Variants in ELOVL6 observed in about 807,000 individuals in gnomAD.
The protein encoded by ELOVL6 is very long chain fatty acid elongase 6.
In ELOVL6, 8 loss-of-function variants were observed where a neutral mutation model predicts 31.7. The observed-to-expected ratio is 0.25, with a 90% CI of 0.15 to 0.45. ELOVL6 has a LOEUF of 0.45. Ranked by LOEUF, ELOVL6 falls within the 20% of genes least tolerant of loss-of-function variation. ELOVL6 has a pLI of 1.00. For missense variants in ELOVL6, 126 were observed against 326.4 expected, an observed-to-expected ratio of 0.39 and a Z score of 4.73; for synonymous variants, 101 against 117.7, an observed-to-expected ratio of 0.86 and a Z score of 0.92.
At chr4:110,184,506 C>T (rs1759384345) in intron 1 of ELOVL6, among the ~76,000 whole-genome samples, 1 of 152,092 alleles carries the variant, frequency 6.6e-6, no homozygotes, top group Non-Finnish European at 1.5e-5. Flanking sequence ...GAATTTGGTG[C>T]CAGATTTTGA....
At chr4:110,183,000 G>C (rs1335807289) in intron 1 of ELOVL6, among the ~76,000 whole-genome samples, 1 of 152,028 alleles carries the variant, frequency 6.6e-6, no homozygotes, top group Non-Finnish European at 1.5e-5. Context: ...TAAAGGGTCT[G>C]GGGAGTCACA....
At chr4:110,110,076 C>G (rs1578487127) in intron 1 of ELOVL6, among the ~76,000 whole-genome samples, 1 of 152,138 alleles carries the variant, frequency 6.6e-6, no homozygotes, top group Admixed American at 6.5e-5. Flanking sequence ...AACTGGTGCA[C>G]CCCCCTCCTC....
intron 2 of ELOVL6, among the ~76,000 whole-genome samples, chr4:110,072,142 T>C (rs902980062): frequency 1.3e-5 from 2 of 152,148 alleles, no homozygotes; most frequent in African/African-American, 2.4e-5. Flanking sequence ...TCTCAGAACA[T>C]TGAGTCTGCC....
chr4:110,197,829 C>G, intron 1 of ELOVL6: 1 of 217,532 alleles, frequency 4.6e-6, no homozygotes, highest in South Asian at 6.4e-5. Flanking sequence ...AAGGTCCTCC[C>G]TCCACTGCCT....
intron 1 of ELOVL6, among the ~76,000 whole-genome samples, chr4:110,161,892 T>G (rs912873500): frequency 1.3e-5 from 2 of 152,194 alleles, no homozygotes; most frequent in Non-Finnish European, 2.9e-5. Context: ...AAGGGTTCCA[T>G]ATTCACAAGT....
chr4:110,051,670 AG>A lies in ELOVL6; in HGVS notation c.465del (p.Tyr156ThrfsTer12). 6.2e-7 allele frequency: 1 copy of A among 1,614,216 alleles called. No individual in the cohort carries two copies. The highest frequency in any genetic ancestry group is 8.5e-7 in the Non-Finnish European group (1 of 1,180,026). On this transcript the variant is annotated frameshift_variant, in exon 4 of 4. Transcript: ENST00000302274. LOFTEE classifies it high-confidence loss of function. The surrounding 1 kb of genome is among the most constrained non-coding windows in gnomAD (Gnocchi z 4.8). ...CCTCCCCCGGCAACCATGTCTTTGT[AG>A]GAGTACCAAGAGTACAGGAGCACAG... The part of the protein sequence containing the change: ...HITVLLYSWY[S>X]YKDMVAGGGW...
chr4:110,149,952 C>T (rs937708691), intron 1 of ELOVL6, among the ~76,000 whole-genome samples: 3 of 152,172 alleles, frequency 2.0e-5, no homozygotes, highest in African/African-American at 7.2e-5. Context: ...TTTTCTTCCC[C>T]TTAAAACAAG....
In ELOVL6 at chr4:110,117,903, A is replaced by AAAAAAAAAAAAAAAAATT; in HGVS notation, c.90-12276_90-12275insAATTTTTTTTTTTTTTTT. 18 of 6,504 alleles carry AAAAAAAAAAAAAAAAATT rather than the reference A, an allele frequency of 2.8e-3. 4 individuals carry two copies. Among genetic ancestry groups the AAAAAAAAAAAAAAAAATT allele is most frequent in the African/African-American group, 5.5e-3 (17 of 3,064 alleles). 0.4% of individuals were successfully genotyped at this position (6,504 alleles called of 1,614,324 possible). A position where few individuals can be genotyped will look rare whatever the true frequency, so the allele number is the denominator to read the frequency against. On this transcript the variant is annotated intron_variant, in intron 1 of 3. Coordinates refer to ENST00000302274, the MANE Select transcript of ELOVL6 (RefSeq NM_024090.3). ...TCTCAAAAAAAAAAAAAAAAAAAAA[A>AAAAAAAAAAAAAAAAATT]ATATATATATATATATATATATCTC...
chr4:110,198,616 GC>G (rs1183046658), upstream of ELOVL6: 2 of 372,844 alleles, frequency 5.4e-6, no homozygotes, highest in Non-Finnish European at 9.7e-6. Context: ...CGGTCTTAGT[GC>G]CCGCACGTTT....
At position 110,172,784 on chromosome 4, in the gene ELOVL6, C is replaced by T. The variant is rs376402417; in HGVS notation, c.89+25463G>A. Reference sequence around the variant, plus strand: ...CTGATGTTTTTTACTGTAAACTCTGCTAAGAGCTTTTAAGTCTTGTTACAG... The same window carrying T: ...CTGATGTTTTTTACTGTAAACTCTGTTAAGAGCTTTTAAGTCTTGTTACAG... On this transcript the variant is annotated intron_variant, in intron 1 of 3. Coordinates refer to ENST00000302274, the MANE Select transcript of ELOVL6 (RefSeq NM_024090.3). Among the ~76,000 whole-genome samples the T allele has an allele frequency of 2.0e-5, 3 of 152,324 alleles. No individual in the cohort carries two copies. The East Asian group carries it at 5.8e-4, about 29-fold the overall frequency.
At chr4:110,146,993 G>GAA (rs146310263) in intron 1 of ELOVL6, 2 of 147,020 alleles carry the variant, frequency 1.4e-5, no homozygotes, top group Non-Finnish European at 3.0e-5. Flanking sequence ...CTGTCTCAAA[G>GAA]AAAAAAAAAA....
intron 1 of ELOVL6, among the ~76,000 whole-genome samples, chr4:110,114,270 T>C (rs1343919285): frequency 6.6e-6 from 1 of 152,168 alleles, no homozygotes; most frequent in African/African-American, 2.4e-5. Flanking sequence ...TTCCTAAATA[T>C]AAAATTTTAT....
intron 1 of ELOVL6, among the ~76,000 whole-genome samples, chr4:110,192,633 A>G (rs1039271172): frequency 6.6e-6 from 1 of 152,252 alleles, no homozygotes; most frequent in Non-Finnish European, 1.5e-5. Context: ...CATCCTTTGG[A>G]ATCCTAAACA....
chr4:110,084,070 T>TGCCATATACGGCATATAAC lies in ELOVL6; in HGVS notation c.221+21426_221+21427insGTTATATGCCGTATATGGC, dbSNP rs1560813819. Among the ~76,000 whole-genome samples the TGCCATATACGGCATATAAC allele has an allele frequency of 2.2e-4, 18 of 82,870 alleles. 3 individuals are homozygous for TGCCATATACGGCATATAAC. The highest frequency in any genetic ancestry group is 5.7e-4 in the African/African-American group (15 of 26,374). 54.4% of individuals were successfully genotyped at this position (82,870 alleles called of 152,430 possible). ...CATGCTATATATGATATATAACATATATATGCTATATATGATATATAACAT... is the reference window on the plus strand; with the variant it reads ...CATGCTATATATGATATATAACATATGCCATATACGGCATATAACATATGCTATATATGATATATAACAT... On this transcript the variant is annotated intron_variant, in intron 2 of 3. Transcript: ENST00000302274.
rs1410761473 is a variant in ELOVL6 at position 110,047,314 on chromosome 4, C to T, written c.*4024G>A. ...TCAGACCTTGGCCAATCCAGTTACT[C>T]TGTTAAAGAATCATTAAGGAAACCA... On this transcript the variant is annotated 3_prime_UTR_variant, in exon 4 of 4. Transcript: ENST00000302274. 6 of 148,298 alleles carry T rather than the reference C, an allele frequency of 4.0e-5. No homozygotes were observed. The highest frequency in any genetic ancestry group is 7.4e-5 in the Non-Finnish European group (5 of 67,596). 9.2% of individuals were successfully genotyped at this position (148,298 alleles called of 1,614,324 possible). A position where few individuals can be genotyped will look rare whatever the true frequency, so the allele number is the denominator to read the frequency against.
intron 2 of ELOVL6, among the ~76,000 whole-genome samples, chr4:110,094,112 G>A (rs1425489578): frequency 6.6e-6 from 1 of 151,712 alleles, no homozygotes; most frequent in South Asian, 2.1e-4. Flanking sequence ...AGCCAGGTGC[G>A]GTGGCATGCG....
At chr4:110,114,708 C>A (rs1160116073) in intron 1 of ELOVL6, among the ~76,000 whole-genome samples, 2 of 152,034 alleles carry the variant, frequency 1.3e-5, no homozygotes, top group South Asian at 4.1e-4. Flanking sequence ...AAGCCTAGGA[C>A]GTCTTATAAC....
intron 1 of ELOVL6, among the ~76,000 whole-genome samples, chr4:110,194,599 T>C (rs1759718027): frequency 6.6e-6 from 1 of 152,230 alleles, no homozygotes; most frequent in African/African-American, 2.4e-5. Flanking sequence ...CTAGCCTCAG[T>C]TGAACCCTTT....
intron 2 of ELOVL6, among the ~76,000 whole-genome samples, chr4:110,083,957 T>A (rs1755976077): frequency 1.5e-5 from 1 of 67,178 alleles, no homozygotes; most frequent in African/African-American, 1.5e-4. Context: ...ATGTTATATA[T>A]GATATATATG....
Sources: gnomAD v4.1 joint callset for allele counts (sites outside exome capture counted in the v4.1 genomes callset) on GRCh38, gnomAD v4.1.1 for gene constraint, Gnocchi (gnomAD v3.1) non-coding constraint, MANE v1.5 for transcripts, NCBI Gene and HGNC (gene_info 2026-07-23, HGNC 2026-07-21) for gene names.